HIC1: variants seen among roughly 807,000 people sequenced by gnomAD.
The protein encoded by HIC1 is hypermethylated in cancer 1 protein.
In HIC1, 9 loss-of-function variants were observed where a neutral mutation model predicts 26.4. The observed-to-expected ratio is 0.34, with a 90% CI of 0.21 to 0.59. The LOEUF (loss-of-function observed/expected upper bound fraction) is 0.59. HIC1 is among the 20% of genes least tolerant of loss of function. The probability of loss-of-function intolerance (pLI) is 0.82; values close to 1 mark genes in which losing one functional copy is unlikely to be tolerated. For synonymous variants in HIC1, 631 were observed against 523.1 expected, an observed-to-expected ratio of 1.21 and a Z score of -2.81; for missense variants, 965 against 1,075.7, an observed-to-expected ratio of 0.90 and a Z score of 1.44.
At position 2,055,249 on chromosome 17, in the gene HIC1, G is replaced by C. The variant is rs1051139825; in HGVS notation, c.-21+11G>C. 6 of 152,108 alleles carry C rather than the reference G, an allele frequency of 3.9e-5. No homozygotes were observed. The highest frequency in any genetic ancestry group is 7.4e-5 in the Non-Finnish European group (5 of 67,986). The allele number at this position is 152,108 out of a possible 1,614,324, so 9.4% of individuals were successfully genotyped here. On this transcript the variant is annotated intron_variant, in intron 1 of 1. Coordinates refer to ENST00000619757, the MANE Select transcript of HIC1 (RefSeq NM_006497.4). The surrounding 1 kb of genome is among the most constrained non-coding windows in gnomAD (Gnocchi z 6.4). Reference sequence around the variant, plus strand: ...CGACATGCCCCCCAGGTGGGTCCTCGAGCCGGGGACCGGGAGGGACGGGGG... The same window carrying C: ...CGACATGCCCCCCAGGTGGGTCCTCCAGCCGGGGACCGGGAGGGACGGGGG...
chr17:2,056,319 C>T (rs1481933957), intron 1 of HIC1: 2 of 1,613,546 alleles, frequency 1.2e-6, no homozygotes, highest in East Asian at 2.2e-5. Context: ...AATGACTTTT[C>T]CTGAAGCGGA....
chr17:2,062,002 C>CTTT lies in HIC1; in HGVS notation c.*3177_*3179dup, dbSNP rs141681719. The CTTT allele has an allele frequency of 3.9e-5, 6 of 153,718 alleles. No individual in the cohort carries two copies. The highest frequency in any genetic ancestry group is 7.1e-5 in the Non-Finnish European group (5 of 70,430). 9.5% of individuals were successfully genotyped at this position (153,718 alleles called of 1,614,324 possible). A position where few individuals can be genotyped will look rare whatever the true frequency, so the allele number is the denominator to read the frequency against. On this transcript the variant is annotated 3_prime_UTR_variant, in exon 2 of 2. Transcript: ENST00000619757. ...ACAACACCGCTCTCCCCACACCCCA[C>CTTT]TTTTTTTTTTTTAACAAGTCCTCTC...
rs1184010168 is a variant in HIC1 at position 2,058,934 on chromosome 17, A to T, written c.*99A>T. The T allele has an allele frequency of 1.8e-6, 2 of 1,093,004 alleles. No homozygotes were observed. Among genetic ancestry groups the T allele is most frequent in the African/African-American group, 3.4e-5 (2 of 59,674 alleles). 67.7% of individuals were successfully genotyped at this position (1,093,004 alleles called of 1,614,324 possible). A position where few individuals can be genotyped will look rare whatever the true frequency, so the allele number is the denominator to read the frequency against. ...GCGCAGGGCCCACTGTGCCCGGGAC[A>T]ACCGCAGCGTCGCCACAGTGGCGGC... is the stretch of plus-strand genomic sequence containing the variant. On this transcript the variant is annotated 3_prime_UTR_variant, in exon 2 of 2. Transcript: ENST00000619757.
At position 2,055,723 on chromosome 17, in the gene HIC1, G is replaced by T. The variant is rs1013863299; in HGVS notation, c.-21+485G>T. Among the ~76,000 whole-genome samples the T allele has an allele frequency of 1.3e-5, 2 of 151,664 alleles. No homozygotes were observed. The highest frequency in any genetic ancestry group is 1.5e-5 in the Non-Finnish European group (1 of 67,848). On this transcript the variant is annotated intron_variant, in intron 1 of 1. Coordinates refer to ENST00000619757, the MANE Select transcript of HIC1 (RefSeq NM_006497.4). The surrounding 1 kb of genome is among the most constrained non-coding windows in gnomAD (Gnocchi z 6.4). Reference sequence around the variant, plus strand: ...TCAGGGCTCGGCTCCGGGCTCTGCCGCCGGATTTGGGGGCCGCGAGGAAGA... The same window carrying T: ...TCAGGGCTCGGCTCCGGGCTCTGCCTCCGGATTTGGGGGCCGCGAGGAAGA...
At position 2,057,522 on chromosome 17, in the gene HIC1, C is replaced by G. The variant is rs1028740169; in HGVS notation, c.832C>G (p.Leu278Val). The G allele has an allele frequency of 2.7e-6, 4 of 1,493,590 alleles. No homozygotes were observed. The allele number at this position is 1,493,590 out of a possible 1,614,324, so 92.5% of individuals were successfully genotyped here. A position where few individuals can be genotyped will look rare whatever the true frequency, so the allele number is the denominator to read the frequency against. The change falls in exon 2 of 2, where the codon CTG (leucine) becomes GTG (valine). Residue 278 changes from leucine to valine, a missense_variant. Physicochemically the swap from Leu to Val is conservative, Grantham distance 32. Around this residue, in one of 6 missense-constraint regions of HIC1, gnomAD observed 526 missense variants for 525.0 expected, o/e 1.00. Transcript: ENST00000619757. ...GCTGCCGCCGCTGCCCTTCCAGAAG[C>G]TGGAGGAGGCCGCACCGCCTTCCGA... The part of the protein sequence containing the change: ...PSLPPLPFQK[L>V]EEAAPPSDPF...
At chr17:2,056,514 C>A in intron 1 of HIC1, 157 bp from the exon 2 acceptor site, 1 of 1,347,886 alleles carries the variant, frequency 7.4e-7, no homozygotes, top group Non-Finnish European at 1.0e-6. Flanking sequence ...TGGGCTCCCA[C>A]TCCAGAGGGC....
rs1260797697 is a variant in HIC1 at position 2,055,631 on chromosome 17, C to T, written c.-21+393C>T. ...CCCGGCCCGCCGGGACCGCAGGTAA[C>T]GGGCCGCGGGGCCCCGCGGGCCAGG... On this transcript the variant is annotated intron_variant, in intron 1 of 1. Transcript: ENST00000619757. The surrounding 1 kb of genome is among the most constrained non-coding windows in gnomAD (Gnocchi z 6.4). 2.7e-5 allele frequency among the ~76,000 whole-genome samples: 4 copies of T among 147,964 alleles called. No homozygotes were observed. The highest frequency in any genetic ancestry group is 3.0e-5 in the Non-Finnish European group (2 of 66,702).
At position 2,060,141 on chromosome 17, in the gene HIC1, A is replaced by C. The variant is rs1219511814; in HGVS notation, c.*1306A>C. The C allele has an allele frequency of 6.6e-6, 1 of 152,610 alleles. No homozygotes were observed. The highest frequency in any genetic ancestry group is 1.5e-5 in the Non-Finnish European group (1 of 68,320). 9.5% of individuals were successfully genotyped at this position (152,610 alleles called of 1,614,324 possible). ...CACCCATCCTCCAGGCAGGCTGTGC[A>C]GTCAGGCCATGGGCTCTGGGGTATC... On this transcript the variant is annotated 3_prime_UTR_variant, in exon 2 of 2. Transcript: ENST00000619757.
In HIC1 at chr17:2,061,161, T is replaced by TC; in HGVS notation, c.*2329dup. On this transcript the variant is annotated 3_prime_UTR_variant, in exon 2 of 2. Transcript: ENST00000619757. The stretch of plus-strand genomic sequence containing the variant: ...GCTGCGTCCCCAGGCGAGAAGGCCC[T>TC]CCCTCAGCCTTGGAATGAGACGGGG... 4.1e-6 allele frequency: 1 copy of TC among 243,284 alleles called. No homozygotes were observed. The highest frequency in any genetic ancestry group is 8.2e-6 in the Non-Finnish European group (1 of 121,422). The allele number at this position is 243,284 out of a possible 1,614,324, so 15.1% of individuals were successfully genotyped here.
At position 2,057,290 on chromosome 17, in the gene HIC1, C is replaced by T. The variant is rs1201935679; in HGVS notation, c.600C>T (p.Tyr200=). 5 of 1,487,650 alleles carry T rather than the reference C, an allele frequency of 3.4e-6. No individual in the cohort carries two copies. The highest frequency in any genetic ancestry group is 2.9e-5 in the African/African-American group (2 of 69,016). The allele number at this position is 1,487,650 out of a possible 1,614,324, so 92.2% of individuals were successfully genotyped here. A position where few individuals can be genotyped will look rare whatever the true frequency, so the allele number is the denominator to read the frequency against. Residue 200 remains tyrosine, a synonymous_variant, in exon 2 of 2, where the codon TAC becomes TAT. Transcript: ENST00000619757. Reference sequence around the variant, plus strand: ...TCAACACGCACTGCGCCGAGCTGTACGCGTCGGGACCCGGCCCGGCCGCCG... The same window carrying T: ...TCAACACGCACTGCGCCGAGCTGTATGCGTCGGGACCCGGCCCGGCCGCCG... ...AAVNTHCAEL[Y]ASGPGPAAAL... is the part of the protein sequence containing the mutation.
chr17:2,061,797 C>A lies in HIC1; in HGVS notation c.*2962C>A. 1.5e-6 allele frequency: 1 copy of A among 680,476 alleles called. No homozygotes were observed. The highest frequency in any genetic ancestry group is 2.5e-6 in the Non-Finnish European group (1 of 407,898). 42.2% of individuals were successfully genotyped at this position (680,476 alleles called of 1,614,324 possible). A position where few individuals can be genotyped will look rare whatever the true frequency, so the allele number is the denominator to read the frequency against. ...TCTCAGCCCCGGGGACCCTCCCCTGCTGGCCTAGAGAGGGCTGCACTGGGC... is the reference window on the plus strand; with the variant it reads ...TCTCAGCCCCGGGGACCCTCCCCTGATGGCCTAGAGAGGGCTGCACTGGGC... On this transcript the variant is annotated 3_prime_UTR_variant, in exon 2 of 2. Coordinates refer to ENST00000619757, the MANE Select transcript of HIC1 (RefSeq NM_006497.4).
rs771500549 is a variant in HIC1 at position 2,061,771 on chromosome 17, C to A, written c.*2936C>A. 4.4e-6 allele frequency: 4 copies of A among 917,558 alleles called. No homozygotes were observed. The African/African-American group carries it at 7.1e-5, about 16-fold the overall frequency. 56.8% of individuals were successfully genotyped at this position (917,558 alleles called of 1,614,324 possible). ...CTACCAGTCCTTTCCTCCGTCCGGG[C>A]TCTCAGCCCCGGGGACCCTCCCCTG... is the stretch of plus-strand genomic sequence containing the variant. On this transcript the variant is annotated 3_prime_UTR_variant, in exon 2 of 2. Coordinates refer to ENST00000619757, the MANE Select transcript of HIC1 (RefSeq NM_006497.4).
rs1215299206 is a variant in HIC1 at position 2,057,992 on chromosome 17, C to A, written c.1302C>A (p.Asn434Lys). 6.2e-7 allele frequency: 1 copy of A among 1,608,070 alleles called. No homozygotes were observed. The highest frequency in any genetic ancestry group is 1.7e-5 in the Admixed American group (1 of 59,316). ...GKGFPSSEQLNAHVEAHVEEE... is the reference protein window; with the variant it reads ...GKGFPSSEQLKAHVEAHVEEE... ...GCTTCCCCAGCTCTGAGCAGCTGAACGCGCACGTGGAGGCTCACGTGGAGG... is the reference window on the plus strand; with the variant it reads ...GCTTCCCCAGCTCTGAGCAGCTGAAAGCGCACGTGGAGGCTCACGTGGAGG... Residue 434 changes from asparagine (N) to lysine (K), a missense_variant, in exon 2 of 2, where the codon AAC (asparagine) becomes AAA (lysine). Transcript: ENST00000619757.
chr17:2,061,357 C>T lies in HIC1; in HGVS notation c.*2522C>T, dbSNP rs1173285582. On this transcript the variant is annotated 3_prime_UTR_variant, in exon 2 of 2. Transcript: ENST00000619757. ...CAGGTCCCCCACAGCATGGCCGTGGCGTGGGTTGGAAGAGGATGGTTTATT... is the reference window on the plus strand; with the variant it reads ...CAGGTCCCCCACAGCATGGCCGTGGTGTGGGTTGGAAGAGGATGGTTTATT... The T allele has an allele frequency of 7.0e-6, 6 of 858,722 alleles. No homozygotes were observed. The highest frequency in any genetic ancestry group is 1.7e-5 in the South Asian group (1 of 58,200). The allele number at this position is 858,722 out of a possible 1,614,324, so 53.2% of individuals were successfully genotyped here. A position where few individuals can be genotyped will look rare whatever the true frequency, so the allele number is the denominator to read the frequency against.
chr17:2,055,569 C>A lies in HIC1; in HGVS notation c.-21+331C>A, dbSNP rs1439562275. On this transcript the variant is annotated intron_variant, in intron 1 of 1. Coordinates refer to ENST00000619757, the MANE Select transcript of HIC1 (RefSeq NM_006497.4). The surrounding 1 kb of genome is among the most constrained non-coding windows in gnomAD (Gnocchi z 6.4). ...CGGGGCCTGGCAGCGGCGGGTGGGG[C>A]ATCGGCTAAGAGCTGCCACCGCCGC... Among the ~76,000 whole-genome samples, 1 of 150,648 alleles carries A rather than the reference C, an allele frequency of 6.6e-6. No homozygotes were observed. Among genetic ancestry groups the A allele is most frequent in the Admixed American group, 6.6e-5 (1 of 15,210 alleles).
In HIC1 at chr17:2,061,666, G is replaced by C. The variant is rs189489015; in HGVS notation, c.*2831G>C. On this transcript the variant is annotated 3_prime_UTR_variant, in exon 2 of 2. Coordinates refer to ENST00000619757, the MANE Select transcript of HIC1 (RefSeq NM_006497.4). The stretch of plus-strand genomic sequence containing the variant: ...AGAAGGCTGTCACTGAGGACAGGAG[G>C]CAGAGGGCTGGCTGCTCTTCTCACC... 2 of 1,548,634 alleles carry C rather than the reference G, an allele frequency of 1.3e-6. No homozygotes were observed. Among genetic ancestry groups the C allele is most frequent in the Non-Finnish European group, 1.7e-6 (2 of 1,145,370 alleles).
rs1314397642 is a variant in HIC1 at position 2,063,132 on chromosome 17, G to A, written c.*4297G>A. 6.6e-6 allele frequency: 1 copy of A among 152,180 alleles called. No homozygotes were observed. Among genetic ancestry groups the A allele is most frequent in the Non-Finnish European group, 1.5e-5 (1 of 68,036 alleles). 9.4% of individuals were successfully genotyped at this position (152,180 alleles called of 1,614,324 possible). A position where few individuals can be genotyped will look rare whatever the true frequency, so the allele number is the denominator to read the frequency against. Reference sequence around the variant, plus strand: ...TCCTGCCCTGGGCCTCAAACCAGGAGCGTCCCAGGCCTTAGGTCAGCTAAC... The same window carrying A: ...TCCTGCCCTGGGCCTCAAACCAGGAACGTCCCAGGCCTTAGGTCAGCTAAC... On this transcript the variant is annotated 3_prime_UTR_variant, in exon 2 of 2. Coordinates refer to ENST00000619757, the MANE Select transcript of HIC1 (RefSeq NM_006497.4).
rs3215740 is a variant in HIC1, at chr17:2,059,388, CA to C, written c.*555del. 9.6e-3 allele frequency: 1,601 copies of C among 167,216 alleles called. 38 individuals are homozygous for C. Among genetic ancestry groups the C allele is most frequent in the East Asian group, 0.093 (479 of 5,168 alleles). The allele number at this position is 167,216 out of a possible 1,614,324, so 10.4% of individuals were successfully genotyped here. ...GCACAAGTGGCACTAGCCCCAGGGC[CA>C]ACCCTTCCTTCCTCAGTCACCAAGG... On this transcript the variant is annotated 3_prime_UTR_variant, in exon 2 of 2. Transcript: ENST00000619757.
At chr17:2,056,440 T>TGGCCTCCCC in intron 1 of HIC1, 1 of 1,407,082 alleles carries the variant, frequency 7.1e-7, no homozygotes, top group South Asian at 1.2e-5. Flanking sequence ...CAGGCCGCCC[T>TGGCCTCCCC]GGCCTCCCCT....
Sources: allele counts gnomAD v4.1 joint callset (sites outside exome capture counted in the v4.1 genomes callset), GRCh38; gene constraint gnomAD v4.1.1; regional missense constraint gnomAD v4.1.1; non-coding constraint Gnocchi (gnomAD v3.1); transcripts MANE v1.5; gene names NCBI Gene and HGNC (gene_info 2026-07-23, HGNC 2026-07-21).